The following IFT172 variants were observed in gnomAD, a reference collection of about 807,000 sequenced individuals.
The protein encoded by IFT172 is intraflagellar transport protein 172 homolog.
Under a neutral mutation model 248.9 loss-of-function variants are expected in IFT172, and 164 were observed. That is an observed-to-expected ratio of 0.66 (90% CI 0.58 to 0.75). The LOEUF (loss-of-function observed/expected upper bound fraction) is 0.75, where lower values mean the gene tolerates loss of function less well. IFT172 is among the 30% of genes least tolerant of loss of function. The probability of loss-of-function intolerance (pLI) is 0.00; values close to 1 mark genes in which losing one functional copy is unlikely to be tolerated. For missense variants in IFT172, 1,950 were observed against 2,192.4 expected, an observed-to-expected ratio of 0.89 and a Z score of 2.21; for synonymous variants, 729 against 791.6, an observed-to-expected ratio of 0.92 and a Z score of 1.33.
chr2:27,479,125 C>T (rs1437385056), intron 10 of IFT172, among the ~76,000 whole-genome samples: 3 of 152,158 alleles, frequency 2.0e-5, no homozygotes, highest in Admixed American at 2.0e-4. Flanking sequence ...CTGCCTCAGC[C>T]TCCCAAGTAG....
At chr2:27,482,412 C>A (rs545663236) in intron 7 of IFT172, among the ~76,000 whole-genome samples, 123 of 152,276 alleles carry the variant, frequency 8.1e-4, no homozygotes, top group African/African-American at 2.9e-3. Flanking sequence ...CCTGCCTCAG[C>A]CTCCCAGAAA....
chr2:27,459,833 C>T lies in IFT172; in HGVS notation c.2522-4G>A. 2 of 1,610,238 alleles carry T rather than the reference C, an allele frequency of 1.2e-6. No homozygotes were observed. Among genetic ancestry groups the T allele is most frequent in the African/African-American group, 1.3e-5 (1 of 75,024 alleles). On this transcript the variant is annotated splice_region_variant and splice_polypyrimidine_tract_variant and intron_variant, in intron 23 of 47. Transcript: ENST00000260570. ...GCCAATCGAGCCAGCTCTACCGCTG[C>T]CAGGGAGAGAAAAGATGCTCAGCCC...
chr2:27,461,867 A>T (rs780107), intron 20 of IFT172, 31 bp from the exon 21 acceptor site: 1 of 1,612,218 alleles, frequency 6.2e-7, no homozygotes, highest in Non-Finnish European at 8.5e-7. Flanking sequence ...AGAGAGGGAC[A>T]CCAGAAAGAT....
At chr2:27,450,391 T>C (rs1290800298) in intron 35 of IFT172, among the ~76,000 whole-genome samples, 2 of 152,280 alleles carry the variant, frequency 1.3e-5, no homozygotes, top group East Asian at 3.9e-4. Flanking sequence ...TTCAAGGTCT[T>C]TGTCATAAGT....
At chr2:27,472,513 T>C in intron 14 of IFT172, 151 bp from the exon 15 acceptor site, 1 of 629,004 alleles carries the variant, frequency 1.6e-6, no homozygotes. Context: ...ACTCAAAAGG[T>C]CCAGACCCAC....
chr2:27,477,366 A>T, intron 12 of IFT172, 46 bp from the exon 13 acceptor site: 2 of 1,528,500 alleles, frequency 1.3e-6, no homozygotes, highest in Non-Finnish European at 1.8e-6. Flanking sequence ...TACATGAAGA[A>T]AAACAGTAGT....
Position 27,445,625 on chromosome 2 carries a change from T to G in IFT172, c.4914+120A>C. Reference sequence around the variant, plus strand: ...CCTTTTCTTTCTATTTTGCTTCTACTTTCACTGAAAAAACAGTGAGGGCTG... The same window carrying G: ...CCTTTTCTTTCTATTTTGCTTCTACGTTCACTGAAAAAACAGTGAGGGCTG... On this transcript the variant is annotated intron_variant, in intron 45 of 47. Transcript: ENST00000260570. This position sits in a 1 kb window ranked among gnomAD's most constrained non-coding sequence, Gnocchi z 4.4. 7.3e-7 allele frequency: 1 copy of G among 1,374,538 alleles called. No homozygotes were observed. The highest frequency in any genetic ancestry group is 1.0e-6 in the Non-Finnish European group (1 of 999,218). The allele number at this position is 1,374,538 out of a possible 1,614,324, so 85.1% of individuals were successfully genotyped here. A position where few individuals can be genotyped will look rare whatever the true frequency, so the allele number is the denominator to read the frequency against.
In IFT172 at chr2:27,461,110, C is replaced by T. The variant is rs1445724622; in HGVS notation, c.2443-17G>A. 2.5e-6 allele frequency: 4 copies of T among 1,614,038 alleles called. No individual in the cohort carries two copies. The highest frequency in any genetic ancestry group is 2.5e-6 in the Non-Finnish European group (3 of 1,180,032). On this transcript the variant is annotated splice_polypyrimidine_tract_variant and intron_variant, in intron 22 of 47. Coordinates refer to ENST00000260570, the MANE Select transcript of IFT172 (RefSeq NM_015662.3). Reference sequence around the variant, plus strand: ...ATCACCTGCCTGTTAACACATACCACATTACTATGATACCCCTACAACACA... The same window carrying T: ...ATCACCTGCCTGTTAACACATACCATATTACTATGATACCCCTACAACACA...
In IFT172 at chr2:27,446,373, G is replaced by C. The variant is rs779891948; in HGVS notation, c.4660-18C>G. The C allele has an allele frequency of 1.9e-6, 3 of 1,611,898 alleles. No individual in the cohort carries two copies. The highest frequency in any genetic ancestry group is 1.7e-6 in the Non-Finnish European group (2 of 1,178,100). The stretch of plus-strand genomic sequence containing the variant: ...ACGGTTTCCTGGGATTAAAGTCAAA[G>C]CATTATGAATATGGCACTAAAGTGA... On this transcript the variant is annotated intron_variant, in intron 42 of 47. Coordinates refer to ENST00000260570, the MANE Select transcript of IFT172 (RefSeq NM_015662.3).
Position 27,458,195 on chromosome 2 carries a change from T to C in IFT172, c.2906A>G (p.Asp969Gly), listed in dbSNP as rs747076360. ...KLAMKCMRPE[D>G]VSVLYITQAQ... The stretch of plus-strand genomic sequence containing the variant: ...CTGAGTGATGTATAGCACTGACACA[T>C]CTTCTGGTCTCATGCATTTCATCGC... Residue 969 changes from aspartate to glycine, a missense_variant, in exon 27 of 48, where the codon GAT becomes GGT. This residue lies in a region of IFT172 where 1,166 missense variants were observed against 1,254.1 expected (regional missense o/e 0.93). Coordinates refer to ENST00000260570, the MANE Select transcript of IFT172 (RefSeq NM_015662.3). The C allele has an allele frequency of 1.2e-6, 2 of 1,614,172 alleles. No homozygotes were observed. The highest frequency in any genetic ancestry group is 1.7e-6 in the Non-Finnish European group (2 of 1,180,030).
At chr2:27,466,906 C>T (rs1216114951) in intron 16 of IFT172, among the ~76,000 whole-genome samples, 3 of 152,130 alleles carry the variant, frequency 2.0e-5, no homozygotes, top group Middle Eastern at 3.4e-3. Context: ...GTCCCAGCTA[C>T]TCAGGAGGCT....
At position 27,445,283 on chromosome 2, in the gene IFT172, T is replaced by TA; in HGVS notation, c.5068+12dup. On this transcript the variant is annotated intron_variant, in intron 46 of 47. Transcript: ENST00000260570. This position sits in a 1 kb window ranked among gnomAD's most constrained non-coding sequence, Gnocchi z 4.4. ...ACCCACCACAGGATCTGGGGTGCTG[T>TA]AGGCTTCTATACCTGTAATAAGGCA... The TA allele has an allele frequency of 6.2e-7, 1 of 1,605,306 alleles. No homozygotes were observed. Among genetic ancestry groups the TA allele is most frequent in the Non-Finnish European group, 8.5e-7 (1 of 1,174,530 alleles).
At chr2:27,476,935 T>A in intron 13 of IFT172, 1 of 588,800 alleles carries the variant, frequency 1.7e-6, no homozygotes, top group Non-Finnish European at 3.0e-6. Flanking sequence ...GTGATTCTCC[T>A]ACCTCACCTT....
At chr2:27,465,216 G>C in intron 18 of IFT172, 195 bp downstream of exon 18, 1 of 598,932 alleles carries the variant, frequency 1.7e-6, no homozygotes, top group Non-Finnish European at 3.0e-6. Context: ...CATCACGCCT[G>C]GTCAAGGCAT....
chr2:27,459,551 G>A (rs758106176), intron 24 of IFT172, 29 bp from the exon 25 acceptor site: 7 of 1,612,654 alleles, frequency 4.3e-6, no homozygotes, highest in South Asian at 1.1e-5. Context: ...ATATAAATAT[G>A]TAGGATGAAA....
chr2:27,467,316 T>C (rs1176097380), intron 16 of IFT172, among the ~76,000 whole-genome samples: 1 of 145,540 alleles, frequency 6.9e-6, no homozygotes, highest in Non-Finnish European at 1.5e-5. Context: ...CTCATGCCTG[T>C]AATCCCAGCA....
chr2:27,480,196 A>C (rs1558409691), intron 8 of IFT172, 47 bp from the exon 9 acceptor site: 1 of 1,584,560 alleles, frequency 6.3e-7, no homozygotes, highest in Non-Finnish European at 8.6e-7. Flanking sequence ...GCTGAGCTAA[A>C]GAGTGCAAAT....
At chr2:27,489,044 T>G (rs1447458416) in intron 1 of IFT172, among the ~76,000 whole-genome samples, 3 of 152,176 alleles carry the variant, frequency 2.0e-5, no homozygotes, top group African/African-American at 7.2e-5. Flanking sequence ...CTCAAATAGT[T>G]AAATAAAGTA....
intron 24 of IFT172, 74 bp downstream of exon 24, chr2:27,459,635 C>A: frequency 6.2e-7 from 1 of 1,604,396 alleles, no homozygotes; most frequent in South Asian, 1.1e-5. Context: ...TTCTTTAAGG[C>A]CTTGGTGTCC....
Sources: gnomAD v4.1 joint callset for allele counts (sites outside exome capture counted in the v4.1 genomes callset) on GRCh38, gnomAD v4.1.1 for gene constraint, gnomAD v4.1.1 regional missense constraint, Gnocchi (gnomAD v3.1) non-coding constraint, MANE v1.5 for transcripts, NCBI Gene and HGNC (gene_info 2026-07-23, HGNC 2026-07-21) for gene names.